The following NOX4 variants were observed in gnomAD, a reference collection of about 807,000 sequenced individuals.
NOX4 encodes NADPH oxidase 4, also known as kidney oxidase-1.
A neutral mutation model predicts 87.6 loss-of-function variants in NOX4; 69 were observed. That is an observed-to-expected ratio of 0.79 (90% CI 0.65 to 0.96). The LOEUF is 0.96. Ranked by LOEUF, NOX4 falls within the 40% of genes least tolerant of loss-of-function variation. NOX4 has a pLI of 0.00. For synonymous variants in NOX4, 275 were observed against 238.2 expected, an observed-to-expected ratio of 1.15 and a Z score of -1.42; for missense variants, 680 against 681.5, an observed-to-expected ratio of 1.00 and a Z score of 0.02.
At chr11:89,495,556 A>G (rs1296481279), upstream of NOX4, among the ~76,000 whole-genome samples, 5 of 152,124 alleles carry the variant, frequency 3.3e-5, no homozygotes, top group Non-Finnish European at 7.4e-5. Flanking sequence ...CTTTTTCCTT[A>G]TAAAGTAACT....
the NOX4 span, among the ~76,000 whole-genome samples, chr11:89,564,691 T>A: frequency 1.3e-5 from 2 of 151,924 alleles, no homozygotes; most frequent in Non-Finnish European, 1.5e-5. Context: ...TTCAGGGAAA[T>A]GGGAATTTTG....
At chr11:89,495,881 TA>T, upstream of NOX4, among the ~76,000 whole-genome samples, 1 of 152,280 alleles carries the variant, frequency 6.6e-6, no homozygotes, top group African/African-American at 2.4e-5. Context: ...GGATTAGTAT[TA>T]AAATTCAATG....
chr11:89,583,102 T>A, the NOX4 span, among the ~76,000 whole-genome samples: 1 of 152,186 alleles, frequency 6.6e-6, no homozygotes, highest in South Asian at 2.1e-4. Flanking sequence ...TTATATAGCA[T>A]AGCAGTATAA....
intron 11 of NOX4, among the ~76,000 whole-genome samples, chr11:89,376,117 A>G (rs1406998363): frequency 2.6e-5 from 4 of 152,214 alleles, no homozygotes; most frequent in Non-Finnish European, 5.9e-5. Flanking sequence ...GTATCAATAT[A>G]TCTTCGAATG....
At chr11:89,467,505 G>A (rs527707905) in intron 2 of NOX4, among the ~76,000 whole-genome samples, 34 of 151,948 alleles carry the variant, frequency 2.2e-4, no homozygotes, top group Admixed American at 1.6e-3. Flanking sequence ...TCTCCATTCC[G>A]GAGTCTACAA....
chr11:89,424,837 T>C (rs1467437374), intron 7 of NOX4, among the ~76,000 whole-genome samples: 3 of 152,128 alleles, frequency 2.0e-5, no homozygotes, highest in African/African-American at 4.8e-5. Flanking sequence ...ACTTGATTTG[T>C]CTAGTGCTTT....
the NOX4 span, chr11:89,533,892 C>CAGGATGT: frequency 2.0e-5 from 3 of 152,204 alleles, no homozygotes; most frequent in Admixed American, 2.0e-4. Context: ...CTGAAACAGA[C>CAGGATGT]GACTATGGTG....
chr11:89,530,390 T>C, the NOX4 span, among the ~76,000 whole-genome samples: 1 of 148,024 alleles, frequency 6.8e-6, no homozygotes, highest in Admixed American at 6.9e-5. Context: ...TCACCTAGGC[T>C]GGAGTGCAAT....
chr11:89,425,977 A>G (rs1943376331), intron 7 of NOX4, among the ~76,000 whole-genome samples: 1 of 152,140 alleles, frequency 6.6e-6, no homozygotes, highest in Non-Finnish European at 1.5e-5. Flanking sequence ...TCTTTAACTA[A>G]AAAGTTTGTT....
At chr11:89,542,945 C>G in the NOX4 span, among the ~76,000 whole-genome samples, 3 of 152,108 alleles carry the variant, frequency 2.0e-5, no homozygotes, top group African/African-American at 7.2e-5. Flanking sequence ...TATTGAAATT[C>G]TGTTGGAGGA....
chr11:89,524,334 T>C, the NOX4 span, among the ~76,000 whole-genome samples: 1 of 152,160 alleles, frequency 6.6e-6, no homozygotes, highest in Non-Finnish European at 1.5e-5. Flanking sequence ...AGGAAAACTA[T>C]GTAATTAGTT....
intron 8 of NOX4, among the ~76,000 whole-genome samples, chr11:89,404,417 A>G (rs1942051429): frequency 6.6e-6 from 1 of 152,112 alleles, no homozygotes; most frequent in South Asian, 2.1e-4. Flanking sequence ...ACACTCCAGA[A>G]ACTCATGATC....
chr11:89,500,790 T>TA (rs1565360552), upstream of NOX4, among the ~76,000 whole-genome samples: 1 of 152,132 alleles, frequency 6.6e-6, no homozygotes, highest in East Asian at 1.9e-4. Context: ...GCTACCCACT[T>TA]ATATGGTTCA....
intron 11 of NOX4, among the ~76,000 whole-genome samples, chr11:89,392,463 T>A (rs775851652): frequency 6.6e-6 from 1 of 152,114 alleles, no homozygotes; most frequent in Non-Finnish European, 1.5e-5. Context: ...CCAAACACAT[T>A]ATTTCCCAAA....
At chr11:89,581,918 A>C in the NOX4 span, among the ~76,000 whole-genome samples, 1 of 152,174 alleles carries the variant, frequency 6.6e-6, no homozygotes, top group African/African-American at 2.4e-5. Context: ...TTAAGTATAC[A>C]ATACAGCATT....
At chr11:89,444,076 AC>A in intron 5 of NOX4, 58 bp downstream of exon 5, 1 of 1,423,640 alleles carries the variant, frequency 7.0e-7, no homozygotes, top group Non-Finnish European at 9.9e-7. Context: ...AAAATCACAG[AC>A]CCTCATTAGT....
At chr11:89,424,465 T>A (rs1943264888) in intron 7 of NOX4, among the ~76,000 whole-genome samples, 2 of 150,860 alleles carry the variant, frequency 1.3e-5, no homozygotes, top group Admixed American at 6.6e-5. Context: ...AAATGTTTCA[T>A]TTTTTACTAT....
rs962821219 is a variant in NOX4 at position 89,341,088 on chromosome 11, G to C, written c.1338-917C>G. On this transcript the variant is annotated intron_variant, in intron 14 of 17. Transcript: ENST00000263317. ...GCTTATAATCCTGAAACTAAAATAA[G>C]TTTTAGTTTAGTATTTCCTGGTCAG... Among the ~76,000 whole-genome samples, 4 of 143,074 alleles carry C rather than the reference G, an allele frequency of 2.8e-5. No individual in the cohort carries two copies. The East Asian group carries it at 8.2e-4, about 29-fold the overall frequency. The allele number at this position is 143,074 out of a possible 152,430, so 93.9% of individuals were successfully genotyped here.
chr11:89,425,231 G>A (rs992462435), intron 7 of NOX4, among the ~76,000 whole-genome samples: 3 of 151,914 alleles, frequency 2.0e-5, no homozygotes, highest in Admixed American at 6.6e-5. Flanking sequence ...GCACCCTCAT[G>A]TACTGATGTT....
Sources: gnomAD v4.1 joint callset for allele counts (sites outside exome capture counted in the v4.1 genomes callset) on GRCh38, gnomAD v4.1.1 for gene constraint, MANE v1.5 for transcripts, NCBI Gene and HGNC (gene_info 2026-07-23, HGNC 2026-07-21) for gene names.